CDH7: variants seen among roughly 807,000 people sequenced by gnomAD.
The protein encoded by CDH7 is cadherin-7.
In CDH7, 25 loss-of-function variants were observed where a neutral mutation model predicts 71.8. That is an observed-to-expected ratio of 0.35 (90% CI 0.25 to 0.49). CDH7 has a LOEUF of 0.49. Ranked by LOEUF, CDH7 falls within the 20% of genes least tolerant of loss-of-function variation. The pLI, the probability that CDH7 is intolerant of heterozygous loss-of-function variation, is 0.99. For missense variants in CDH7, 862 were observed against 974.6 expected (o/e 0.88, Z 1.54); for synonymous variants, 381 against 363.8 (o/e 1.05, Z -0.54).
intron 10 of CDH7, among the ~76,000 whole-genome samples, chr18:65,861,251 A>G (rs1283772675): frequency 6.6e-6 from 1 of 152,124 alleles, no homozygotes; most frequent in East Asian, 1.9e-4. Context: ...GAAGTCTTCC[A>G]TATGATCACT....
chr18:65,839,786 G>A (rs1912662441), intron 6 of CDH7, among the ~76,000 whole-genome samples: 3 of 152,146 alleles, frequency 2.0e-5, no homozygotes, highest in Admixed American at 1.3e-4. Flanking sequence ...AGGAGCAGCA[G>A]GTGATATATA....
rs370259075 is a variant in CDH7, at chr18:65,849,392, T to G, written c.1235+5327T>G. ...TTCTTTTCTTTTCTTTTCTTTTCTT[T>G]TCTTTTCTTTTCTTTTCTTTTCTTT... On this transcript the variant is annotated intron_variant, in intron 7 of 11. Coordinates refer to ENST00000397968, the MANE Select transcript of CDH7 (RefSeq NM_004361.5). 8.9e-4 allele frequency among the ~76,000 whole-genome samples: 125 copies of G among 140,838 alleles called. No homozygotes were observed. The East Asian group carries it at 0.012, about 14-fold the overall frequency. The allele number at this position is 140,838 out of a possible 152,430, so 92.4% of individuals were successfully genotyped here.
intron 11 of CDH7, chr18:65,864,218 G>T (rs968596721): frequency 6.6e-6 from 1 of 152,098 alleles, no homozygotes; most frequent in African/African-American, 2.4e-5. Context: ...GTTTGAAAAA[G>T]GTAGAACCAC....
intron 7 of CDH7, among the ~76,000 whole-genome samples, chr18:65,845,182 T>A (rs1471005866): frequency 1.3e-5 from 2 of 151,592 alleles, no homozygotes; most frequent in Non-Finnish European, 1.5e-5. Flanking sequence ...TATATATACA[T>A]ACATATATGT....
At chr18:65,792,924 T>C (rs960395807) in intron 2 of CDH7, among the ~76,000 whole-genome samples, 1 of 152,188 alleles carries the variant, frequency 6.6e-6, no homozygotes, top group African/African-American at 2.4e-5. Context: ...ATTCTGCCCT[T>C]GGCTGTCCCA....
intron 2 of CDH7, among the ~76,000 whole-genome samples, chr18:65,771,583 G>A (rs1916543889): frequency 6.6e-6 from 1 of 151,928 alleles, no homozygotes; most frequent in Non-Finnish European, 1.5e-5. Flanking sequence ...GGCTGAGGAA[G>A]AAGAATCACT....
intron 2 of CDH7, among the ~76,000 whole-genome samples, chr18:65,793,260 C>T (rs1400794355): frequency 6.6e-6 from 1 of 151,974 alleles, no homozygotes; most frequent in East Asian, 1.9e-4. Flanking sequence ...GGGCGAAACC[C>T]TGTCTCTACA....
chr18:65,868,644 T>A (rs1203955527), intron 11 of CDH7, among the ~76,000 whole-genome samples: 1 of 152,206 alleles, frequency 6.6e-6, no homozygotes, highest in African/African-American at 2.4e-5. Flanking sequence ...TTATAGTATC[T>A]TCCAATTCCT....
Position 65,883,099 on chromosome 18 carries a change from A to T in CDH7, c.*2205A>T, listed in dbSNP as rs2144078486. The T allele has an allele frequency of 6.6e-6, 1 of 152,190 alleles. No homozygotes were observed. The highest frequency in any genetic ancestry group is 2.1e-4 in the South Asian group (1 of 4,830). 9.4% of individuals were successfully genotyped at this position (152,190 alleles called of 1,614,324 possible). On this transcript the variant is annotated 3_prime_UTR_variant, in exon 12 of 12. Coordinates refer to ENST00000397968, the MANE Select transcript of CDH7 (RefSeq NM_004361.5). Reference sequence around the variant, plus strand: ...TCATTAATTTTTTCAAATGGTTACCAATGATAGATTGGAAAAAGAAAGGTT... The same window carrying T: ...TCATTAATTTTTTCAAATGGTTACCTATGATAGATTGGAAAAAGAAAGGTT...
At chr18:65,794,943 A>G (rs1436354507) in intron 2 of CDH7, among the ~76,000 whole-genome samples, 1 of 152,230 alleles carries the variant, frequency 6.6e-6, no homozygotes, top group Non-Finnish European at 1.5e-5. Flanking sequence ...AGTGTCTGAC[A>G]CGTAATTATG....
At chr18:65,760,291 C>G (rs1274077195) in intron 1 of CDH7, among the ~76,000 whole-genome samples, 1 of 152,114 alleles carries the variant, frequency 6.6e-6, no homozygotes, top group Non-Finnish European at 1.5e-5. Flanking sequence ...TCTGGAACGT[C>G]TTAGAATTTA....
At chr18:65,781,497 C>T (rs2143829849) in intron 2 of CDH7, among the ~76,000 whole-genome samples, 1 of 152,150 alleles carries the variant, frequency 6.6e-6, no homozygotes, top group South Asian at 2.1e-4. Context: ...ATTTTGTATA[C>T]TTGAATGTGG....
chr18:65,844,124 ACT>A (rs1912845208), intron 7 of CDH7, 59 bp downstream of exon 7: 46 of 1,464,788 alleles, frequency 3.1e-5, no homozygotes, highest in Non-Finnish European at 4.3e-5. Context: ...CTTGTTCACA[ACT>A]CTTATTTTAC....
rs186617737 is a variant in CDH7 at position 65,763,953 on chromosome 18, A to G, written c.210+901A>G. On this transcript the variant is annotated intron_variant, in intron 2 of 11. Transcript: ENST00000397968. Reference sequence around the variant, plus strand: ...TTGTAAAGGCCTACTGAATTTCTCAATTTGGTACTGAGTCCTGGTGAAGGT... The same window carrying G: ...TTGTAAAGGCCTACTGAATTTCTCAGTTTGGTACTGAGTCCTGGTGAAGGT... 4.6e-3 allele frequency among the ~76,000 whole-genome samples: 694 copies of G among 152,072 alleles called. 8 individuals carry two copies. Among genetic ancestry groups the G allele is most frequent in the South Asian group, 0.011 (51 of 4,814 alleles).
intron 3 of CDH7, among the ~76,000 whole-genome samples, chr18:65,812,514 A>G (rs1251323454): frequency 6.6e-6 from 1 of 152,258 alleles, no homozygotes; most frequent in Non-Finnish European, 1.5e-5. Context: ...TAAAATAGCC[A>G]TCAAATAGTA....
In CDH7 at chr18:65,862,704, C is replaced by A. The variant is rs533419487; in HGVS notation, c.1651C>A (p.Arg551=). 2.8e-5 allele frequency: 45 copies of A among 1,613,974 alleles called. No individual in the cohort carries two copies. The highest frequency in any genetic ancestry group is 3.8e-5 in the Non-Finnish European group (45 of 1,179,964). Reference sequence around the variant, plus strand: ...AATACTGACCAGGAGAAACGGCTTCCGGAGACAGGAACAATCAGTTTACTA... The same window carrying A: ...AATACTGACCAGGAGAAACGGCTTCAGGAGACAGGAACAATCAGTTTACTA... The part of the protein sequence containing the change: ...ASILTRRNGF[R]RQEQSVYYLP... The change falls in exon 11 of 12, where the codon CGG becomes AGG. Residue 551 remains arginine, a synonymous_variant. Coordinates refer to ENST00000397968, the MANE Select transcript of CDH7 (RefSeq NM_004361.5).
intron 11 of CDH7, among the ~76,000 whole-genome samples, chr18:65,873,088 A>C (rs1039101671): frequency 6.6e-6 from 1 of 152,180 alleles, no homozygotes; most frequent in Non-Finnish European, 1.5e-5. Context: ...AGAATTAAAA[A>C]ATAGGAAGTT....
chr18:65,769,397 G>A (rs1165963691), intron 2 of CDH7, among the ~76,000 whole-genome samples: 2 of 152,124 alleles, frequency 1.3e-5, no homozygotes, highest in East Asian at 3.9e-4. Flanking sequence ...TCTGTAAAAT[G>A]TGATCAAATT....
intron 7 of CDH7, among the ~76,000 whole-genome samples, chr18:65,844,598 A>G (rs914415763): frequency 2.6e-5 from 4 of 152,106 alleles, no homozygotes; most frequent in Non-Finnish European, 4.4e-5. Flanking sequence ...GTAGTCTTGT[A>G]TCTAGGCTAG....
Sources: gnomAD v4.1 joint callset for allele counts (sites outside exome capture counted in the v4.1 genomes callset) on GRCh38, gnomAD v4.1.1 for gene constraint, MANE v1.5 for transcripts, NCBI Gene and HGNC (gene_info 2026-07-23, HGNC 2026-07-21) for gene names.